CADM2: variants seen among roughly 807,000 people sequenced by gnomAD.
The protein encoded by CADM2 is immunoglobulin superfamily member 4D.
CADM2 carries 12 observed loss-of-function variants against 49.8 expected under a neutral mutation model. The ratio of observed to expected loss-of-function variants is 0.24; its 90% CI spans 0.15 to 0.39. The LOEUF is 0.39. Among genes scored for constraint, CADM2 ranks in the 10% least tolerant of loss-of-function variants. CADM2 has a pLI of 1.00. For missense variants in CADM2, 378 were observed against 492.3 expected (o/e 0.77, Z 2.20); for synonymous variants, 214 against 175.4 (o/e 1.22, Z -1.74).
chr3:85,765,152 C>T (rs1459454833), intron 2 of CADM2, among the ~76,000 whole-genome samples: 4 of 152,020 alleles, frequency 2.6e-5, no homozygotes. Context: ...CGCAAAGAAA[C>T]GCTTCAGTGA....
intron 1 of CADM2, among the ~76,000 whole-genome samples, chr3:85,497,000 T>C (rs1194083963): frequency 6.8e-6 from 1 of 146,068 alleles, no homozygotes; most frequent in Non-Finnish European, 1.5e-5. Context: ...TGTGCCGTCA[T>C]GCCCAGCTAA....
chr3:85,365,199 C>CTTTTTTTTTTTTTTTTTTTATTTTT (rs397962829), intron 1 of CADM2, among the ~76,000 whole-genome samples: 1 of 104,710 alleles, frequency 9.6e-6, no homozygotes, highest in Non-Finnish European at 1.8e-5. Context: ...TTTTTTTTTA[C>CTTTTTTTTTTTTTTTTTTTATTTTT]TTTTTTTTTT....
At chr3:85,270,157 C>T (rs1371499418) in intron 1 of CADM2, among the ~76,000 whole-genome samples, 1 of 150,984 alleles carries the variant, frequency 6.6e-6, no homozygotes, top group Non-Finnish European at 1.5e-5. Flanking sequence ...ATTTATTGAC[C>T]TGAGATAAAA....
In CADM2 at chr3:86,052,247, T is replaced by C. The variant is rs1435613374; in HGVS notation, c.971-13358T>C. On this transcript the variant is annotated intron_variant, in intron 8 of 9. Coordinates refer to ENST00000383699, the MANE Select transcript of CADM2 (RefSeq NM_001167675.2). ...GAAAAACACAGTCTGTACCTGTAAA[T>C]TGTATTTGTATTCCTTAAGTAGAGG... Among the ~76,000 whole-genome samples, 12 of 152,300 alleles carry C rather than the reference T, an allele frequency of 7.9e-5. No individual in the cohort carries two copies. The East Asian group carries it at 1.5e-3, about 20-fold the overall frequency.
chr3:85,551,496 A>G (rs1454597003), intron 1 of CADM2, among the ~76,000 whole-genome samples: 2 of 152,118 alleles, frequency 1.3e-5, no homozygotes, highest in Non-Finnish European at 2.9e-5. Flanking sequence ...TTCACTGAAT[A>G]AGTGAATGCA....
intron 1 of CADM2, among the ~76,000 whole-genome samples, chr3:85,591,761 T>C (rs886273918): frequency 6.6e-6 from 1 of 152,024 alleles, no homozygotes; most frequent in Non-Finnish European, 1.5e-5. Flanking sequence ...ACCATCTGCA[T>C]GGGAGTGAGT....
At chr3:85,428,645 TATATAAA>T (rs1169162053) in intron 1 of CADM2, among the ~76,000 whole-genome samples, 1 of 145,472 alleles carries the variant, frequency 6.9e-6, no homozygotes, top group Non-Finnish European at 1.5e-5. Context: ...ATATAAGAAT[TATATAAA>T]ATATATAATA....
intron 1 of CADM2, among the ~76,000 whole-genome samples, chr3:84,979,605 GA>G (rs2032041046): frequency 6.6e-6 from 1 of 151,570 alleles, no homozygotes; most frequent in Non-Finnish European, 1.5e-5. Flanking sequence ...AAGGGGGAGA[GA>G]AATAGATGAT....
At chr3:85,355,697 T>C (rs2107257705) in intron 1 of CADM2, among the ~76,000 whole-genome samples, 1 of 152,108 alleles carries the variant, frequency 6.6e-6, no homozygotes, top group African/African-American at 2.4e-5. Flanking sequence ...TAGGGTGGCT[T>C]TGGAGGATAG....
At chr3:85,122,619 T>C (rs967576126) in intron 1 of CADM2, among the ~76,000 whole-genome samples, 8 of 152,150 alleles carry the variant, frequency 5.3e-5, no homozygotes, top group Admixed American at 1.3e-4. Flanking sequence ...CATACATCTA[T>C]ATTGACTTTC....
At chr3:85,466,213 A>C (rs2038483988) in intron 1 of CADM2, among the ~76,000 whole-genome samples, 1 of 152,172 alleles carries the variant, frequency 6.6e-6, no homozygotes, top group Non-Finnish European at 1.5e-5. Flanking sequence ...TCTATTATTT[A>C]GTTTAAAGCT....
chr3:85,556,311 G>T (rs1469683432), intron 1 of CADM2, among the ~76,000 whole-genome samples: 1 of 152,038 alleles, frequency 6.6e-6, no homozygotes, highest in Non-Finnish European at 1.5e-5. Context: ...TGTTGAATAG[G>T]CTTTGGAGGA....
intron 1 of CADM2, among the ~76,000 whole-genome samples, chr3:85,255,424 G>A (rs2042863538): frequency 6.6e-6 from 1 of 152,038 alleles, no homozygotes; most frequent in Non-Finnish European, 1.5e-5. Flanking sequence ...ACTATTGCCA[G>A]CTTCTCTTGT....
At chr3:85,256,273 G>A (rs2107875120) in intron 1 of CADM2, among the ~76,000 whole-genome samples, 1 of 152,004 alleles carries the variant, frequency 6.6e-6, no homozygotes, top group Admixed American at 6.6e-5. Flanking sequence ...TACCAATGTT[G>A]CTGCCATTCA....
intron 1 of CADM2, among the ~76,000 whole-genome samples, chr3:85,190,819 G>T (rs2041190635): frequency 6.6e-6 from 1 of 152,038 alleles, no homozygotes; most frequent in African/African-American, 2.4e-5. Context: ...TTCCCTTGAT[G>T]AACTAGGATT....
intron 1 of CADM2, among the ~76,000 whole-genome samples, chr3:85,236,334 T>G (rs1257399582): frequency 6.6e-6 from 1 of 152,016 alleles, no homozygotes; most frequent in Non-Finnish European, 1.5e-5. Flanking sequence ...TCTTGGATTG[T>G]AATTGGAAGA....
At chr3:85,116,686 C>T (rs139727988) in intron 1 of CADM2, among the ~76,000 whole-genome samples, 70 of 152,032 alleles carry the variant, frequency 4.6e-4, no homozygotes, top group African/African-American at 1.6e-3. Context: ...CTATAGGCAA[C>T]CCTACTTATC....
chr3:85,861,809 A>C (rs545017397), intron 3 of CADM2, among the ~76,000 whole-genome samples: 3 of 152,008 alleles, frequency 2.0e-5, no homozygotes, highest in Non-Finnish European at 4.4e-5. Flanking sequence ...AATATTTTGC[A>C]TTTTTTATAA....
At chr3:85,988,868 A>G (rs577722457) in intron 8 of CADM2, among the ~76,000 whole-genome samples, 3 of 152,188 alleles carry the variant, frequency 2.0e-5, no homozygotes, top group East Asian at 3.9e-4. Flanking sequence ...CTGAACAATG[A>G]GTGTTTACAT....
Sources: gnomAD v4.1 joint callset for allele counts (sites outside exome capture counted in the v4.1 genomes callset) on GRCh38, gnomAD v4.1.1 for gene constraint, MANE v1.5 for transcripts, NCBI Gene and HGNC (gene_info 2026-07-23, HGNC 2026-07-21) for gene names.